Variants in FAM120A observed in about 807,000 individuals in gnomAD.
FAM120A encodes the protein family with sequence similarity 120 member A.
Under a neutral mutation model 109.7 loss-of-function variants are expected in FAM120A, and 15 were observed. The observed-to-expected ratio is 0.14, with a 90% CI of 0.09 to 0.21. The LOEUF is 0.21. Among genes scored for constraint, FAM120A ranks in the 10% least tolerant of loss-of-function variants. The pLI is 1.00. For missense variants in FAM120A, 899 were observed against 1,439.3 expected (o/e 0.62, Z 6.07); for synonymous variants, 493 against 572.8 (o/e 0.86, Z 1.99).
Position 93,532,051 on chromosome 9 carries a change from A to T in FAM120A, c.1735-104A>T. ...TGTTAAGCAGTTGATTTGGAATGGA[A>T]TTGCAATGTCATTAACTGGAGATAA... On this transcript the variant is annotated intron_variant, in intron 9 of 17. Transcript: ENST00000277165. This position sits in a 1 kb window ranked among gnomAD's most constrained non-coding sequence, Gnocchi z 4.3. 2 of 1,090,354 alleles carry T rather than the reference A, an allele frequency of 1.8e-6. No individual in the cohort carries two copies. The highest frequency in any genetic ancestry group is 4.3e-5 in the Admixed American group (2 of 46,488). 67.5% of individuals were successfully genotyped at this position (1,090,354 alleles called of 1,614,324 possible).
chr9:93,558,523 G>A (rs1457371870), intron 14 of FAM120A, 58 bp from the exon 15 acceptor site: 1 of 1,589,720 alleles, frequency 6.3e-7, no homozygotes, highest in Non-Finnish European at 8.6e-7. Context: ...ATACCCAGCA[G>A]GGCCCTGAGT....
At chr9:93,492,436 C>G (rs971126915) in intron 3 of FAM120A, among the ~76,000 whole-genome samples, 2 of 152,308 alleles carry the variant, frequency 1.3e-5, no homozygotes, top group African/African-American at 4.8e-5. Flanking sequence ...ATTTCTGTCT[C>G]CAGCCACTTT....
chr9:93,550,760 T>C (rs1310731463), intron 12 of FAM120A, 69 bp downstream of exon 12: 67 of 1,114,798 alleles, frequency 6.0e-5, no homozygotes, highest in Non-Finnish European at 4.0e-6. Flanking sequence ...TACTGCTAAC[T>C]TTCAACAGGC....
chr9:93,520,698 A>G (rs1860809980), intron 7 of FAM120A, among the ~76,000 whole-genome samples: 1 of 152,160 alleles, frequency 6.6e-6, no homozygotes, highest in South Asian at 2.1e-4. Flanking sequence ...TTGCAGCAAC[A>G]TTGGTGGAAC....
At position 93,492,668 on chromosome 9, in the gene FAM120A, G is replaced by A. The variant is rs552370635; in HGVS notation, c.805-4803G>A. On this transcript the variant is annotated intron_variant, in intron 3 of 17. Coordinates refer to ENST00000277165, the MANE Select transcript of FAM120A (RefSeq NM_014612.5). Reference sequence around the variant, plus strand: ...CAGGCTCAGAGCTGCCTGCGAAGTGGGGTGGTGGAGGGTGGCTGGTGGGGA... The same window carrying A: ...CAGGCTCAGAGCTGCCTGCGAAGTGAGGTGGTGGAGGGTGGCTGGTGGGGA... Among the ~76,000 whole-genome samples, 103 of 152,334 alleles carry A rather than the reference G, an allele frequency of 6.8e-4. No individual in the cohort carries two copies. In the South Asian group the frequency reaches 7.5e-3, roughly 11 times the overall value.
chr9:93,473,599 A>G (rs1858409895), intron 2 of FAM120A, among the ~76,000 whole-genome samples: 1 of 152,228 alleles, frequency 6.6e-6, no homozygotes, highest in African/African-American at 2.4e-5. Flanking sequence ...GGCATGAGCC[A>G]TTGCGCCTGG....
chr9:93,456,823 A>T (rs1349695427), intron 1 of FAM120A, among the ~76,000 whole-genome samples: 1 of 152,190 alleles, frequency 6.6e-6, no homozygotes, highest in African/African-American at 2.4e-5. Flanking sequence ...TCTAGTTAGG[A>T]TAGGAACAGT....
chr9:93,520,593 G>T (rs1035266229), intron 7 of FAM120A, among the ~76,000 whole-genome samples: 2 of 152,268 alleles, frequency 1.3e-5, no homozygotes, highest in Non-Finnish European at 1.5e-5. Context: ...GCTGAATGTT[G>T]TCATGACTTG....
intron 17 of FAM120A, among the ~76,000 whole-genome samples, chr9:93,563,126 TG>T (rs1347566460): frequency 2.6e-5 from 4 of 152,188 alleles, no homozygotes; most frequent in Non-Finnish European, 1.5e-5. Context: ...CCTTGGTTTA[TG>T]GGGGCCATTC....
Position 93,529,495 on chromosome 9 carries a change from C to G in FAM120A, c.1649C>G (p.Pro550Arg), listed in dbSNP as rs1230370530. 1 of 1,614,226 alleles carries G rather than the reference C, an allele frequency of 6.2e-7. No homozygotes were observed. Residue 550 changes from proline to arginine, a missense_variant, in exon 9 of 18, where the codon CCC (proline) becomes CGC (arginine). Around this residue, in one of 11 missense-constraint regions of FAM120A, gnomAD observed 133 missense variants for 276.6 expected, o/e 0.48. Transcript: ENST00000277165. ...HMDITTPPLP[P>R]VAPEVLRVAE... ...GACATCACCACACCTCCCCTGCCCC[C>G]CGTCGCACCTGAGGTGCTGAGAGTG...
At chr9:93,547,725 C>T (rs1588904410) in intron 11 of FAM120A, among the ~76,000 whole-genome samples, 4 of 152,032 alleles carry the variant, frequency 2.6e-5, no homozygotes, top group Admixed American at 2.0e-4. Context: ...GATTTAGTAG[C>T]GTAAAAGGGA....
rs1248306156 is a variant in FAM120A at position 93,532,173 on chromosome 9, G to A, written c.1753G>A (p.Val585Ile). Residue 585 changes from valine to isoleucine, a missense_variant, in exon 10 of 18, where the codon GTT becomes ATT. By Grantham distance (29) the Val-to-Ile change is conservative. This residue lies in a region of FAM120A where 133 missense variants were observed against 276.6 expected (regional missense o/e 0.48). Coordinates refer to ENST00000277165, the MANE Select transcript of FAM120A (RefSeq NM_014612.5). The surrounding 1 kb of genome is among the most constrained non-coding windows in gnomAD (Gnocchi z 4.3). ...VLTKGEIKIAVSIEDEANKDL... is the reference protein window; with the variant it reads ...VLTKGEIKIAISIEDEANKDL... Reference sequence around the variant, plus strand: ...TGCAAAGGGTGAAATCAAAATTGCTGTTTCTATTGAAGATGAAGCCAACAA... The same window carrying A: ...TGCAAAGGGTGAAATCAAAATTGCTATTTCTATTGAAGATGAAGCCAACAA... 2 of 1,613,926 alleles carry A rather than the reference G, an allele frequency of 1.2e-6. No individual in the cohort carries two copies.
chr9:93,541,914 C>CT (rs763492354), intron 10 of FAM120A, among the ~76,000 whole-genome samples: 10 of 152,138 alleles, frequency 6.6e-5, no homozygotes, highest in Non-Finnish European at 5.9e-5. Context: ...ATCCAAGTGT[C>CT]TAACTCCTGG....
At chr9:93,459,172 T>C (rs1242629721) in intron 1 of FAM120A, among the ~76,000 whole-genome samples, 1 of 152,232 alleles carries the variant, frequency 6.6e-6, no homozygotes, top group Non-Finnish European at 1.5e-5. Flanking sequence ...CACAGCATGG[T>C]GTATGTTTGC....
intron 5 of FAM120A, among the ~76,000 whole-genome samples, chr9:93,501,081 A>G (rs1193371135): frequency 2.0e-5 from 3 of 152,170 alleles, no homozygotes; most frequent in Non-Finnish European, 4.4e-5. Context: ...ATGATTGGGC[A>G]TTGGAATGAG....
chr9:93,453,999 A>C (rs142894567), intron 1 of FAM120A, among the ~76,000 whole-genome samples: 2 of 152,344 alleles, frequency 1.3e-5, no homozygotes, highest in African/African-American at 4.8e-5. Flanking sequence ...GTATGTATGC[A>C]TATGGTCACT....
chr9:93,564,275 T>C lies in FAM120A; in HGVS notation c.3092T>C (p.Leu1031Pro). ...AASAEEVAKE[L>P]KSKSGESKSS... ...TCAGCAGAAGAAGTGGCCAAAGAAC[T>C]TAAGTCAAAATCTGGGGAATCGAAG... The change falls in exon 18 of 18, where the codon CTT becomes CCT. Residue 1031 changes from leucine to proline, a missense_variant. Physicochemically the swap from Leu to Pro is moderately conservative, Grantham distance 98. This residue lies in a region of FAM120A where 170 missense variants were observed against 205.0 expected (regional missense o/e 0.83). Coordinates refer to ENST00000277165, the MANE Select transcript of FAM120A (RefSeq NM_014612.5). 1.2e-6 allele frequency: 2 copies of C among 1,613,976 alleles called. No homozygotes were observed. Among genetic ancestry groups the C allele is most frequent in the Non-Finnish European group, 1.7e-6 (2 of 1,179,842 alleles).
At chr9:93,489,772 A>C (rs560901796) in intron 3 of FAM120A, among the ~76,000 whole-genome samples, 1 of 152,330 alleles carries the variant, frequency 6.6e-6, no homozygotes, top group African/African-American at 2.4e-5. Context: ...GTATCTGACA[A>C]TTCTGGGGTC....
At chr9:93,453,775 A>G (rs1461882410) in intron 1 of FAM120A, among the ~76,000 whole-genome samples, 1 of 152,218 alleles carries the variant, frequency 6.6e-6, no homozygotes, top group African/African-American at 2.4e-5. Flanking sequence ...TGGGGCGCTC[A>G]GGGAAGTAAG....
Sources: allele counts gnomAD v4.1 joint callset (sites outside exome capture counted in the v4.1 genomes callset), GRCh38; gene constraint gnomAD v4.1.1; regional missense constraint gnomAD v4.1.1; non-coding constraint Gnocchi (gnomAD v3.1); transcripts MANE v1.5; gene names NCBI Gene and HGNC (gene_info 2026-07-23, HGNC 2026-07-21).